Variants in SPOCK3 observed in about 807,000 individuals in gnomAD.
The protein encoded by SPOCK3 is testican-3.
SPOCK3 carries 30 observed loss-of-function variants against 56.6 expected under a neutral mutation model. That is an observed-to-expected ratio of 0.53 (90% CI 0.40 to 0.72). SPOCK3 has a LOEUF of 0.72. SPOCK3 is among the 30% of genes least tolerant of loss of function. The pLI, the probability that SPOCK3 is intolerant of heterozygous loss-of-function variation, is 0.00. For missense variants in SPOCK3, 527 were observed against 530.0 expected (o/e 0.99, Z 0.06); for synonymous variants, 196 against 183.3 (o/e 1.07, Z -0.56).
At chr4:166,843,837 G>A (rs921955959) in intron 6 of SPOCK3, among the ~76,000 whole-genome samples, 2 of 152,196 alleles carry the variant, frequency 1.3e-5, no homozygotes, top group Non-Finnish European at 2.9e-5. Context: ...GTTGCCAAAG[G>A]TGACATGAAC....
At position 166,948,675 on chromosome 4, in the gene SPOCK3, T is replaced by C. The variant is rs531514913; in HGVS notation, c.351-35932A>G. Among the ~76,000 whole-genome samples the C allele has an allele frequency of 2.4e-3, 372 of 152,298 alleles. 1 individual carries two copies. Among genetic ancestry groups the C allele is most frequent in the African/African-American group, 8.7e-3 (360 of 41,582 alleles). On this transcript the variant is annotated intron_variant, in intron 4 of 10. Transcript: ENST00000357545. ...CATTAATATGTCTTCTTTTAAGAAA[T>C]ATCTATTCAACTTGTAGAGTTTCTG...
At chr4:167,148,173 C>T (rs533446095) in intron 2 of SPOCK3, among the ~76,000 whole-genome samples, 14 of 152,088 alleles carry the variant, frequency 9.2e-5, no homozygotes, top group African/African-American at 2.2e-4. Flanking sequence ...GGGATCTTTG[C>T]CAATATCACG....
chr4:167,088,035 A>C lies in SPOCK3; in HGVS notation c.190-25498T>G, dbSNP rs192439550. Among the ~76,000 whole-genome samples, 50 of 152,260 alleles carry C rather than the reference A, an allele frequency of 3.3e-4. 1 individual carries two copies. In the East Asian group the frequency reaches 8.7e-3, roughly 26 times the overall value. On this transcript the variant is annotated intron_variant, in intron 2 of 10. Transcript: ENST00000357545. Reference sequence around the variant, plus strand: ...TTATGAGCTGTGTCTATCAGAAATAAGAGAAATTATTCCTGAAAAAAAAAA... The same window carrying C: ...TTATGAGCTGTGTCTATCAGAAATACGAGAAATTATTCCTGAAAAAAAAAA...
At chr4:167,215,316 G>T (rs901288715) in intron 2 of SPOCK3, among the ~76,000 whole-genome samples, 11 of 151,996 alleles carry the variant, frequency 7.2e-5, no homozygotes, top group African/African-American at 2.7e-4. Flanking sequence ...TATTCCTTCT[G>T]CACTCCTGGA....
At chr4:166,755,246 C>T (rs940096743) in intron 7 of SPOCK3, among the ~76,000 whole-genome samples, 9 of 152,060 alleles carry the variant, frequency 5.9e-5, no homozygotes, top group East Asian at 1.9e-4. Flanking sequence ...AACCTGTTGA[C>T]CAGAGAAAGA....
intron 6 of SPOCK3, among the ~76,000 whole-genome samples, chr4:166,836,716 C>A (rs1746659358): frequency 6.6e-6 from 1 of 152,102 alleles, no homozygotes; most frequent in African/African-American, 2.4e-5. Flanking sequence ...TCCATCAAAC[C>A]TTTAGTAACT....
At chr4:166,849,476 G>T (rs1256201951) in intron 6 of SPOCK3, among the ~76,000 whole-genome samples, 1 of 151,872 alleles carries the variant, frequency 6.6e-6, no homozygotes, top group Non-Finnish European at 1.5e-5. Context: ...CTAATAATAG[G>T]CACAATTAGA....
intron 6 of SPOCK3, among the ~76,000 whole-genome samples, chr4:166,873,207 T>C (rs1305713109): frequency 7.7e-6 from 1 of 130,196 alleles, no homozygotes; most frequent in Admixed American, 7.8e-5. Flanking sequence ...ATGAAGAAGT[T>C]AAAAAAAAAA....
chr4:166,780,922 T>A, intron 7 of SPOCK3, among the ~76,000 whole-genome samples: 1 of 152,126 alleles, frequency 6.6e-6, no homozygotes. Flanking sequence ...AAAAAGGCTG[T>A]GGCAAGCCAG....
intron 3 of SPOCK3, among the ~76,000 whole-genome samples, chr4:167,057,016 A>G (rs1483063551): frequency 1.3e-5 from 2 of 152,196 alleles, no homozygotes. Context: ...GAAGGAAAAA[A>G]TGTTAAGGGC....
rs1429199990 is a variant in SPOCK3, at chr4:167,223,259, T to C, written c.189+10726A>G. On this transcript the variant is annotated intron_variant, in intron 2 of 10. Transcript: ENST00000357545. The stretch of plus-strand genomic sequence containing the variant: ...TATTTTATATTCATTTATAAATATA[T>C]GTATATATTCATTTATAAATATGTA... 4.2e-5 allele frequency among the ~76,000 whole-genome samples: 6 copies of C among 141,962 alleles called. No individual in the cohort carries two copies. The East Asian group carries it at 1.2e-3, about 29-fold the overall frequency. 93.1% of individuals were successfully genotyped at this position (141,962 alleles called of 152,430 possible).
intron 7 of SPOCK3, among the ~76,000 whole-genome samples, chr4:166,786,328 G>C (rs985265291): frequency 2.0e-5 from 3 of 152,114 alleles, no homozygotes; most frequent in African/African-American, 7.2e-5. Flanking sequence ...GCAGGCAATG[G>C]TTAGTCCCTA....
intron 2 of SPOCK3, among the ~76,000 whole-genome samples, chr4:167,127,054 G>C (rs1389177963): frequency 6.6e-6 from 1 of 152,176 alleles, no homozygotes; most frequent in Non-Finnish European, 1.5e-5. Flanking sequence ...ACCAGCAATA[G>C]AATAGACAAT....
intron 2 of SPOCK3, among the ~76,000 whole-genome samples, chr4:167,182,725 A>T (rs1253464336): frequency 6.6e-6 from 1 of 151,958 alleles, no homozygotes; most frequent in East Asian, 1.9e-4. Flanking sequence ...TTTAGTGGAG[A>T]CAGGGTTTCA....
chr4:166,745,473 G>C (rs1248472396), intron 8 of SPOCK3, among the ~76,000 whole-genome samples: 1 of 152,124 alleles, frequency 6.6e-6, no homozygotes, highest in Non-Finnish European at 1.5e-5. Flanking sequence ...TGCCTTATAA[G>C]AGCTCCTGAA....
intron 3 of SPOCK3, among the ~76,000 whole-genome samples, chr4:167,052,818 A>G (rs1754363802): frequency 6.6e-6 from 1 of 152,232 alleles, no homozygotes; most frequent in Non-Finnish European, 1.5e-5. Context: ...CATCTGGGAG[A>G]CAGCCAATAT....
At chr4:167,028,757 C>A (rs1194254393) in intron 3 of SPOCK3, among the ~76,000 whole-genome samples, 1 of 151,964 alleles carries the variant, frequency 6.6e-6, no homozygotes, top group Non-Finnish European at 1.5e-5. Context: ...AGGATAGGAA[C>A]AACATACAGT....
At chr4:166,855,945 A>G (rs954157991) in intron 6 of SPOCK3, among the ~76,000 whole-genome samples, 1 of 152,232 alleles carries the variant, frequency 6.6e-6, no homozygotes, top group African/African-American at 2.4e-5. Flanking sequence ...TCAAGTTTAC[A>G]TTCTAGTGGA....
chr4:166,990,612 C>T (rs1430994951), intron 4 of SPOCK3, among the ~76,000 whole-genome samples: 1 of 151,854 alleles, frequency 6.6e-6, no homozygotes, highest in Non-Finnish European at 1.5e-5. Flanking sequence ...TGTCCATTAC[C>T]CAGAAATACA....
Sources: allele counts gnomAD v4.1 joint callset (sites outside exome capture counted in the v4.1 genomes callset), GRCh38; gene constraint gnomAD v4.1.1; transcripts MANE v1.5; gene names NCBI Gene and HGNC (gene_info 2026-07-23, HGNC 2026-07-21).